The following NAALADL2 variants were observed in gnomAD, a reference collection of about 807,000 sequenced individuals.
The protein encoded by NAALADL2 is inactive N-acetylated-alpha-linked acidic dipeptidase-like protein 2.
In NAALADL2, 76 loss-of-function variants were observed where a neutral mutation model predicts 87.2. That is an observed-to-expected ratio of 0.87 (90% CI 0.72 to 1.05). The LOEUF is 1.05. Among genes scored for constraint, NAALADL2 ranks in the 50% least tolerant of loss-of-function variants. NAALADL2 has a pLI of 0.00. For missense variants in NAALADL2, 1,089 were observed against 945.8 expected (o/e 1.15, Z -1.99); for synonymous variants, 354 against 331.0 (o/e 1.07, Z -0.75).
intron 1 of NAALADL2, among the ~76,000 whole-genome samples, chr3:174,991,571 C>A (rs1010885435): frequency 6.6e-6 from 1 of 151,988 alleles, no homozygotes; most frequent in Non-Finnish European, 1.5e-5. Context: ...TGAAACTCAT[C>A]GCCCTATGTA....
chr3:175,501,639 T>C (rs145205801), intron 9 of NAALADL2, among the ~76,000 whole-genome samples: 2,631 of 152,208 alleles, frequency 0.017, 27 homozygotes, highest in Non-Finnish European at 0.024. Context: ...GTCTGATAAA[T>C]GTCCTTTATC....
intron 2 of NAALADL2, among the ~76,000 whole-genome samples, chr3:175,146,895 C>T (rs1370066023): frequency 1.3e-5 from 2 of 151,868 alleles, no homozygotes; most frequent in African/African-American, 4.8e-5. Context: ...CTCCCAAGAT[C>T]TGAAGTGGAT....
chr3:175,606,276 T>C (rs1015349773), intron 10 of NAALADL2, among the ~76,000 whole-genome samples: 1 of 152,156 alleles, frequency 6.6e-6, no homozygotes, highest in African/African-American at 2.4e-5. Context: ...GAGGGATACT[T>C]GATAGAAAAG....
chr3:175,078,061 G>A (rs59379164), intron 1 of NAALADL2, among the ~76,000 whole-genome samples: 3,401 of 148,736 alleles, frequency 0.023, 130 homozygotes, highest in African/African-American at 0.081. Context: ...ATCTCACTCC[G>A]TCACCCAGGC....
chr3:175,648,301 G>T (rs1035768742), intron 11 of NAALADL2, among the ~76,000 whole-genome samples: 1 of 151,360 alleles, frequency 6.6e-6, no homozygotes, highest in South Asian at 2.1e-4. Flanking sequence ...GACATAACAG[G>T]GTCTTTAAGG....
At chr3:174,881,349 T>G (rs1046111872) in intron 1 of NAALADL2, among the ~76,000 whole-genome samples, 7 of 152,092 alleles carry the variant, frequency 4.6e-5, no homozygotes, top group African/African-American at 1.7e-4. Flanking sequence ...TGTTTTAAAA[T>G]TTTTCAGGTT....
intron 1 of NAALADL2, among the ~76,000 whole-genome samples, chr3:174,934,141 T>C (rs141847469): frequency 5.8e-4 from 89 of 152,328 alleles, no homozygotes; most frequent in South Asian, 3.5e-3. Context: ...GTTATTTATT[T>C]AGTTCTTCTA....
At chr3:174,469,273 T>C (rs1716745539) in intron 1 of NAALADL2, among the ~76,000 whole-genome samples, 1 of 151,902 alleles carries the variant, frequency 6.6e-6, no homozygotes. Flanking sequence ...GGTCTTTTTT[T>C]TTTTGAGACA....
intron 2 of NAALADL2, among the ~76,000 whole-genome samples, chr3:174,591,160 A>C (rs1242118234): frequency 6.6e-6 from 1 of 152,188 alleles, no homozygotes; most frequent in East Asian, 1.9e-4. Flanking sequence ...ACTGCTCCTT[A>C]ATCTTGAGAT....
intron 11 of NAALADL2, among the ~76,000 whole-genome samples, chr3:175,734,803 C>T (rs1392371289): frequency 6.6e-6 from 1 of 152,166 alleles, no homozygotes; most frequent in Non-Finnish European, 1.5e-5. Context: ...CTATTTTTTC[C>T]TCCCAAACCT....
intron 1 of NAALADL2, among the ~76,000 whole-genome samples, chr3:174,934,090 T>G (rs1294318672): frequency 6.6e-6 from 1 of 152,224 alleles, no homozygotes; most frequent in East Asian, 1.9e-4. Context: ...AACACACAAG[T>G]TTGGAACAAT....
intron 9 of NAALADL2, among the ~76,000 whole-genome samples, chr3:175,521,976 A>G (rs1732717795): frequency 6.6e-6 from 1 of 152,156 alleles, no homozygotes; most frequent in East Asian, 1.9e-4. Flanking sequence ...AAAAACAATA[A>G]TCAACATTTT....
At chr3:175,423,028 A>AAAAAAATAT (rs1438736874) in intron 5 of NAALADL2, among the ~76,000 whole-genome samples, 6 of 111,316 alleles carry the variant, frequency 5.4e-5, no homozygotes, top group African/African-American at 8.2e-5. Flanking sequence ...GAAAAAAAAA[A>AAAAAAATAT]ATATATATAT....
intron 4 of NAALADL2, among the ~76,000 whole-genome samples, chr3:175,279,381 G>A (rs1474291393): frequency 6.6e-6 from 1 of 152,092 alleles, no homozygotes; most frequent in Non-Finnish European, 1.5e-5. Flanking sequence ...CTGCCTGAAA[G>A]ATAAACCACC....
intron 3 of NAALADL2, among the ~76,000 whole-genome samples, chr3:175,251,782 A>G (rs1581126608): frequency 6.6e-6 from 1 of 152,214 alleles, no homozygotes; most frequent in South Asian, 2.1e-4. Context: ...AAGACTTTCA[A>G]AAAGGATCTA....
At chr3:175,115,658 A>G (rs1724999320) in intron 2 of NAALADL2, among the ~76,000 whole-genome samples, 1 of 151,710 alleles carries the variant, frequency 6.6e-6, no homozygotes. Flanking sequence ...TGAAACTCTC[A>G]AGGCCATTAG....
intron 5 of NAALADL2, among the ~76,000 whole-genome samples, chr3:175,429,565 A>C (rs1245501269): frequency 6.6e-6 from 1 of 152,028 alleles, no homozygotes. Flanking sequence ...ATTCATTGGC[A>C]TATATAAAAA....
chr3:175,630,617 AAGTT>A (rs757011409), intron 11 of NAALADL2, among the ~76,000 whole-genome samples: 9 of 151,820 alleles, frequency 5.9e-5, no homozygotes, highest in Non-Finnish European at 1.2e-4. Flanking sequence ...AGAGTACACT[AAGTT>A]AGTGTGTACA....
intron 5 of NAALADL2, among the ~76,000 whole-genome samples, chr3:175,328,244 T>A (rs1022761566): frequency 6.6e-6 from 1 of 152,164 alleles, no homozygotes; most frequent in Non-Finnish European, 1.5e-5. Context: ...GGAATGCTAA[T>A]GGGATAGAAT....
Sources: allele counts gnomAD v4.1 joint callset (sites outside exome capture counted in the v4.1 genomes callset), GRCh38; gene constraint gnomAD v4.1.1; transcripts MANE v1.5; gene names NCBI Gene and HGNC (gene_info 2026-07-23, HGNC 2026-07-21).